The following ADCY5 variants were observed in gnomAD, a reference collection of about 807,000 sequenced individuals.
ADCY5 encodes adenylate cyclase 5.
ADCY5 carries 30 observed loss-of-function variants against 119.7 expected under a neutral mutation model. The ratio of observed to expected loss-of-function variants is 0.25; its 90% CI spans 0.19 to 0.34. ADCY5 has a LOEUF of 0.34. Among genes scored for constraint, ADCY5 ranks in the 10% least tolerant of loss-of-function variants. The pLI, the probability that ADCY5 is intolerant of heterozygous loss-of-function variation, is 1.00. For missense variants in ADCY5, 1,324 were observed against 1,775.2 expected, an observed-to-expected ratio of 0.75 and a Z score of 4.57; for synonymous variants, 753 against 762.2, an observed-to-expected ratio of 0.99 and a Z score of 0.20.
chr3:123,377,378 C>T (rs1943872873), intron 1 of ADCY5, among the ~76,000 whole-genome samples: 1 of 152,156 alleles, frequency 6.6e-6, no homozygotes, highest in Admixed American at 6.5e-5. Context: ...CAAGAAAACC[C>T]CACCCCACCT....
chr3:123,448,445 T>A lies in ADCY5; in HGVS notation c.101A>T (p.Glu34Val), dbSNP rs1332675880. Reference sequence around the variant, plus strand: ...GTAGCCATTCGCGCGGGAATCGGCCTCGCCCCACGCAGAGCGGTGTTCGGG... The same window carrying A: ...GTAGCCATTCGCGCGGGAATCGGCCACGCCCCACGCAGAGCGGTGTTCGGG... ...GGPEHRSAWG[E>V]ADSRANGYPH... is the part of the protein sequence containing the mutation. Residue 34 changes from glutamate (E) to valine (V), a missense_variant, in exon 1 of 21, where the codon GAG becomes GTG. Glu to Val is a moderately radical substitution (Grantham distance 121, BLOSUM62 -2). Around this residue, in one of 6 missense-constraint regions of ADCY5, gnomAD observed 585 missense variants for 569.9 expected, o/e 1.03. Transcript: ENST00000462833. 16 of 1,325,440 alleles carry A rather than the reference T, an allele frequency of 1.2e-5. No homozygotes were observed. The highest frequency in any genetic ancestry group is 1.5e-5 in the Non-Finnish European group (16 of 1,039,570). 82.1% of individuals were successfully genotyped at this position (1,325,440 alleles called of 1,614,324 possible).
chr3:123,298,101 G>A (rs1447881772), intron 15 of ADCY5, among the ~76,000 whole-genome samples: 1 of 152,112 alleles, frequency 6.6e-6, no homozygotes, highest in Non-Finnish European at 1.5e-5. Context: ...CTGGGTTCAA[G>A]CTATTCTTGT....
chr3:123,359,331 A>AATATATATATATATAT (rs57105101), intron 1 of ADCY5, among the ~76,000 whole-genome samples: 1,236 of 109,376 alleles, frequency 0.011, 21 homozygotes, highest in African/African-American at 0.013. Flanking sequence ...CTTATACTAA[A>AATATATATATATATAT]ATATATATAT....
At chr3:123,447,284 A>C in intron 1 of ADCY5, 128 bp downstream of exon 1, 1 of 1,113,342 alleles carries the variant, frequency 9.0e-7, no homozygotes, top group Non-Finnish European at 1.2e-6. Context: ...AATAGCCTAC[A>C]TGGCCGAGCC....
intron 1 of ADCY5, among the ~76,000 whole-genome samples, chr3:123,419,795 C>A (rs191112217): frequency 2.6e-5 from 4 of 152,158 alleles, no homozygotes; most frequent in Non-Finnish European, 4.4e-5. Flanking sequence ...GGCTCTCCCC[C>A]ATCCAGCTCT....
At chr3:123,383,606 T>G (rs1944107661) in intron 1 of ADCY5, among the ~76,000 whole-genome samples, 1 of 152,198 alleles carries the variant, frequency 6.6e-6, no homozygotes, top group African/African-American at 2.4e-5. Context: ...GAATGCCAGA[T>G]GGCAAAGTGC....
chr3:123,359,364 T>TATATATATATATATA (rs1943163943), intron 1 of ADCY5, among the ~76,000 whole-genome samples: 1 of 86,358 alleles, frequency 1.2e-5, no homozygotes, highest in African/African-American at 4.8e-5. Context: ...ATATATATAT[T>TATATATATATATATA]CATTATTTAT....
chr3:123,399,512 A>ATT lies in ADCY5; in HGVS notation c.1135-46933_1135-46932dup, dbSNP rs78904027. ...CATACTGCTTTGTTTTCTTAGGCTT[A>ATT]TTTTTTTTTTACTGTGGTAAAAAAC... On this transcript the variant is annotated intron_variant, in intron 1 of 20. Transcript: ENST00000462833. Among the ~76,000 whole-genome samples the ATT allele has an allele frequency of 4.3e-3, 640 of 149,210 alleles. 8 individuals are homozygous for ATT. The highest frequency in any genetic ancestry group is 0.015 in the African/African-American group (623 of 40,798).
rs765460139 is a variant in ADCY5 at position 123,328,727 on chromosome 3, G to A, written c.1722C>T (p.Val574=). 8 of 1,614,240 alleles carry A rather than the reference G, an allele frequency of 5.0e-6. No homozygotes were observed. In the South Asian group the frequency reaches 7.7e-5, roughly 16 times the overall value. The change falls in exon 6 of 21, where the codon GTC becomes GTT. Residue 574 remains valine (V), a synonymous_variant. Coordinates refer to ENST00000462833, the MANE Select transcript of ADCY5 (RefSeq NM_183357.3). ...GIHSGRVHCG[V]LGLRKWQFDV... ...CGAACTGCCACTTCCTGAGACCAAG[G>A]ACACCGCAGTGTACTCGCCCGCTGT...
chr3:123,426,210 G>A (rs1468740341), intron 1 of ADCY5, among the ~76,000 whole-genome samples: 1 of 152,186 alleles, frequency 6.6e-6, no homozygotes, highest in Non-Finnish European at 1.5e-5. Flanking sequence ...CCTGCAGCAT[G>A]GCAACATGGG....
intron 8 of ADCY5, among the ~76,000 whole-genome samples, chr3:123,322,600 AGGACAGC>A (rs1941279499): frequency 6.6e-6 from 1 of 152,184 alleles, no homozygotes; most frequent in African/African-American, 2.4e-5. Context: ...TAACAGTTCT[AGGACAGC>A]GGCTACTTGG....
At chr3:123,308,182 C>A (rs1254874970) in intron 12 of ADCY5, among the ~76,000 whole-genome samples, 1 of 151,706 alleles carries the variant, frequency 6.6e-6, no homozygotes, top group East Asian at 2.0e-4. Flanking sequence ...TACAGGCGCC[C>A]ACCACCACGC....
chr3:123,323,668 T>G (rs1941337644), intron 8 of ADCY5, among the ~76,000 whole-genome samples: 1 of 152,052 alleles, frequency 6.6e-6, no homozygotes, highest in East Asian at 1.9e-4. Flanking sequence ...TTATTTTTAT[T>G]TTTATTTTTG....
intron 3 of ADCY5, among the ~76,000 whole-genome samples, chr3:123,346,948 C>T (rs1009112744): frequency 6.6e-6 from 1 of 152,192 alleles, no homozygotes; most frequent in Non-Finnish European, 1.5e-5. Flanking sequence ...TAATCTACAT[C>T]TGTTTGCACG....
chr3:123,327,684 C>T lies in ADCY5; in HGVS notation c.1881G>A (p.Glu627=), dbSNP rs1272239791. ...DYEVEPGCGG[E]RNAYLKEHSI... ...TGTGCTCCTTGAGGTAGGCGTTGCG[C>T]TCGCCCCCACAGCCTGGCTCCACCT... Residue 627 remains glutamate (E), a synonymous_variant, in exon 7 of 21, where the codon GAG becomes GAA. Coordinates refer to ENST00000462833, the MANE Select transcript of ADCY5 (RefSeq NM_183357.3). 3 of 1,614,018 alleles carry T rather than the reference C, an allele frequency of 1.9e-6. No individual in the cohort carries two copies. Among genetic ancestry groups the T allele is most frequent in the African/African-American group, 2.7e-5 (2 of 74,900 alleles).
intron 1 of ADCY5, among the ~76,000 whole-genome samples, chr3:123,378,478 C>T (rs1303681036): frequency 1.3e-5 from 2 of 152,152 alleles, no homozygotes; most frequent in Non-Finnish European, 2.9e-5. Context: ...GACATCAGCA[C>T]GTCATCTTCT....
Position 123,284,318 on chromosome 3 carries a change from C to A in ADCY5, c.*290G>T, listed in dbSNP as rs537894287. 34 of 396,110 alleles carry A rather than the reference C, an allele frequency of 8.6e-5. No homozygotes were observed. The South Asian group carries it at 9.2e-4, about 11-fold the overall frequency. The allele number at this position is 396,110 out of a possible 1,614,324, so 24.5% of individuals were successfully genotyped here. A position where few individuals can be genotyped will look rare whatever the true frequency, so the allele number is the denominator to read the frequency against. On this transcript the variant is annotated 3_prime_UTR_variant, in exon 21 of 21. Transcript: ENST00000462833. ...TTCCCACGGCTCCTTTCCACCTGTG[C>A]AGCAGCACCTGTTAGAAAACTCAAG...
chr3:123,327,508 T>G, intron 7 of ADCY5, 110 bp downstream of exon 7: 1 of 1,202,772 alleles, frequency 8.3e-7, no homozygotes, highest in Non-Finnish European at 1.1e-6. Flanking sequence ...CGCAACTGCA[T>G]AAGAAATTCA....
At chr3:123,416,104 A>T in intron 1 of ADCY5, 3 of 1,488,714 alleles carry the variant, frequency 2.0e-6, no homozygotes, top group Non-Finnish European at 2.7e-6. Flanking sequence ...GTGTCCAAGA[A>T]GGTGGAAGGG....
Sources: allele counts gnomAD v4.1 joint callset (sites outside exome capture counted in the v4.1 genomes callset), GRCh38; gene constraint gnomAD v4.1.1; regional missense constraint gnomAD v4.1.1; transcripts MANE v1.5; gene names NCBI Gene and HGNC (gene_info 2026-07-23, HGNC 2026-07-21).